FRYL: variants seen among roughly 807,000 people sequenced by gnomAD.
FRYL encodes the protein protein furry homolog-like.
Under a neutral mutation model 351.2 loss-of-function variants are expected in FRYL, and 150 were observed. That is an observed-to-expected ratio of 0.43 (90% CI 0.37 to 0.49). The LOEUF (loss-of-function observed/expected upper bound fraction) is 0.49. FRYL is among the 20% of genes least tolerant of loss of function. The pLI, the probability that FRYL is intolerant of heterozygous loss-of-function variation, is 0.00. For missense variants in FRYL, 3,036 were observed against 3,619.3 expected (o/e 0.84, Z 4.13); for synonymous variants, 1,153 against 1,257.1 (o/e 0.92, Z 1.75).
chr4:48,757,281 G>A (rs533006772), intron 1 of FRYL, among the ~76,000 whole-genome samples: 9 of 151,982 alleles, frequency 5.9e-5, no homozygotes, highest in African/African-American at 2.2e-4. Flanking sequence ...ATTCAATTAG[G>A]AAAAGAGGAA....
chr4:48,506,174 C>CCAAA (rs1283372247), intron 59 of FRYL: 2 of 151,930 alleles, frequency 1.3e-5, no homozygotes, highest in Non-Finnish European at 2.9e-5. Flanking sequence ...TTATTTATTT[C>CCAAA]CAAACAATAC....
At chr4:48,681,072 C>A in intron 3 of FRYL, 1 of 1,276,176 alleles carries the variant, frequency 7.8e-7, no homozygotes, top group Non-Finnish European at 1.0e-6. Flanking sequence ...TACTAGTATC[C>A]AAAACCACAT....
At chr4:48,745,576 G>A (rs1772578976) in intron 1 of FRYL, among the ~76,000 whole-genome samples, 1 of 152,084 alleles carries the variant, frequency 6.6e-6, no homozygotes, top group African/African-American at 2.4e-5. Context: ...ACACAGGGTG[G>A]GGAACATCAC....
intron 50 of FRYL, among the ~76,000 whole-genome samples, chr4:48,530,708 C>A (rs1727368493): frequency 1.3e-5 from 2 of 152,258 alleles, no homozygotes; most frequent in African/African-American, 4.8e-5. Flanking sequence ...AGCCTTCATT[C>A]ACACATTCTC....
chr4:48,547,873 C>T, intron 40 of FRYL, 104 bp from the exon 41 acceptor site: 1 of 742,052 alleles, frequency 1.3e-6, no homozygotes. Flanking sequence ...TGAAAGATTT[C>T]ATGGAAGGTG....
Position 48,540,014 on chromosome 4 carries a change from C to T in FRYL, c.6350G>A (p.Ser2117Asn), listed in dbSNP as rs767868306. 14 of 1,613,020 alleles carry T rather than the reference C, an allele frequency of 8.7e-6. No homozygotes were observed. Among genetic ancestry groups the T allele is most frequent in the African/African-American group, 2.7e-5 (2 of 74,820 alleles). ...TGTTTCTTTGCAAAACTGAGTTGGG[C>T]TGTCAAAATGCTGGATTAAGTGAGG... is the stretch of plus-strand genomic sequence containing the variant. ...LLPHLIQHFDSPTQFCKETAS... is the reference protein window; with the variant it reads ...LLPHLIQHFDNPTQFCKETAS... The change falls in exon 47 of 64, where the codon AGC becomes AAC. Residue 2117 changes from serine (S) to asparagine (N), a missense_variant. Physicochemically the swap from Ser to Asn is conservative, Grantham distance 46. Coordinates refer to ENST00000358350, the MANE Select transcript of FRYL (RefSeq NM_015030.2).
intron 1 of FRYL, among the ~76,000 whole-genome samples, chr4:48,728,816 T>C (rs1038748277): frequency 7.2e-5 from 11 of 152,112 alleles, no homozygotes; most frequent in Non-Finnish European, 1.3e-4. Context: ...ACGCAGAAGA[T>C]GGTGATTTCT....
intron 3 of FRYL, chr4:48,636,911 C>G (rs1372066790): frequency 6.6e-6 from 1 of 151,822 alleles, no homozygotes; most frequent in African/African-American, 2.4e-5. Context: ...ATCTAATAAA[C>G]AGAATGCTAA....
At chr4:48,603,420 G>T (rs771139367) in intron 11 of FRYL, 32 bp from the exon 12 acceptor site, 2 of 1,297,076 alleles carry the variant, frequency 1.5e-6, no homozygotes, top group Non-Finnish European at 2.2e-6. Flanking sequence ...CAAAGAAAAT[G>T]ATACAGATGT....
intron 7 of FRYL, 168 bp downstream of exon 7, chr4:48,619,106 G>GTA (rs1263622137): frequency 3.6e-6 from 2 of 563,372 alleles, no homozygotes; most frequent in African/African-American, 3.8e-5. Flanking sequence ...TAACAGATAG[G>GTA]TACAGGGCAG....
At chr4:48,532,940 C>A (rs1408716268) in intron 49 of FRYL, among the ~76,000 whole-genome samples, 2 of 152,046 alleles carry the variant, frequency 1.3e-5, no homozygotes, top group Non-Finnish European at 2.9e-5. Flanking sequence ...ATAAAGAAAT[C>A]TGGAAAAAAA....
At chr4:48,536,518 C>T (rs6853945) in intron 47 of FRYL, among the ~76,000 whole-genome samples, 1 of 152,166 alleles carries the variant, frequency 6.6e-6, no homozygotes, top group Non-Finnish European at 1.5e-5. Context: ...TCTGAACCAA[C>T]TAATGTTTGG....
chr4:48,721,301 C>T (rs1017385479), intron 1 of FRYL, among the ~76,000 whole-genome samples: 1 of 150,866 alleles, frequency 6.6e-6, no homozygotes, highest in Non-Finnish European at 1.5e-5. Flanking sequence ...TGGGGAAGTA[C>T]AAAACAAGTA....
chr4:48,756,522 C>T (rs963639276), intron 1 of FRYL, among the ~76,000 whole-genome samples: 1 of 152,130 alleles, frequency 6.6e-6, no homozygotes, highest in Admixed American at 6.5e-5. Context: ...TGCTAATTGT[C>T]TACAATTGGA....
At chr4:48,702,718 G>GC (rs1312307546) in intron 2 of FRYL, among the ~76,000 whole-genome samples, 2 of 136,558 alleles carry the variant, frequency 1.5e-5, no homozygotes, top group Non-Finnish European at 3.0e-5. Context: ...AGGAGATCGG[G>GC]CCACTGCACT....
intron 1 of FRYL, among the ~76,000 whole-genome samples, chr4:48,732,773 T>TG (rs1770869731): frequency 1.2e-4 from 3 of 25,634 alleles, no homozygotes; most frequent in African/African-American, 1.6e-4. Context: ...CTGGAGCCTG[T>TG]GGGGGGTGGG....
At chr4:48,614,700 C>G (rs980030690) in intron 7 of FRYL, among the ~76,000 whole-genome samples, 1 of 95,666 alleles carries the variant, frequency 1.0e-5, no homozygotes, top group Admixed American at 1.8e-4. Context: ...CTAGCCTGGG[C>G]AACAGAGTGA....
intron 4 of FRYL, among the ~76,000 whole-genome samples, chr4:48,623,443 CAAGTTT>C (rs1560736504): frequency 6.6e-6 from 1 of 152,154 alleles, no homozygotes; most frequent in Non-Finnish European, 1.5e-5. Context: ...CCTTTTGTAA[CAAGTTT>C]AAGTTTGATA....
chr4:48,751,239 T>TC (rs1773222298), intron 1 of FRYL, among the ~76,000 whole-genome samples: 1 of 151,396 alleles, frequency 6.6e-6, no homozygotes, highest in African/African-American at 2.4e-5. Flanking sequence ...GGAAATGACC[T>TC]CCCCTCTATT....
Sources: allele counts gnomAD v4.1 joint callset (sites outside exome capture counted in the v4.1 genomes callset), GRCh38; gene constraint gnomAD v4.1.1; transcripts MANE v1.5; gene names NCBI Gene and HGNC (gene_info 2026-07-23, HGNC 2026-07-21).